The following SVIL variants were observed in gnomAD, a reference collection of about 807,000 sequenced individuals.
SVIL encodes supervillin.
A neutral mutation model predicts 240.4 loss-of-function variants in SVIL; 101 were observed. The ratio of observed to expected loss-of-function variants is 0.42; its 90% confidence interval spans 0.36 to 0.50. The LOEUF is 0.50. SVIL is among the 20% of genes least tolerant of loss of function. The pLI, the probability that SVIL is intolerant of heterozygous loss-of-function variation, is 0.01. For synonymous variants in SVIL, 999 were observed against 1,100.0 expected (o/e 0.91, Z 1.82); for missense variants, 2,512 against 2,818.7 (o/e 0.89, Z 2.46).
chr10:29,477,677 G>T (rs1291535470), intron 29 of SVIL, among the ~76,000 whole-genome samples: 2 of 152,240 alleles, frequency 1.3e-5, no homozygotes, highest in Non-Finnish European at 2.9e-5. Context: ...AGTGCCATCG[G>T]GCTGTGCTTC....
At chr10:29,547,455 T>A (rs968766636) in intron 6 of SVIL, among the ~76,000 whole-genome samples, 1 of 152,180 alleles carries the variant, frequency 6.6e-6, no homozygotes, top group Admixed American at 6.5e-5. Flanking sequence ...CTTTTAAATC[T>A]TTTTCATGAA....
chr10:29,645,350 A>G (rs1958621092), intron 3 of SVIL, among the ~76,000 whole-genome samples: 1 of 152,132 alleles, frequency 6.6e-6, no homozygotes, highest in South Asian at 2.1e-4. Flanking sequence ...CGAGAGGATC[A>G]CTTGAGGTCA....
Position 29,562,838 on chromosome 10 carries a change from G to A in SVIL, c.-51+363C>T, listed in dbSNP as rs572016310. On this transcript the variant is annotated intron_variant, in intron 3 of 37. Transcript: ENST00000355867. ...GGCAGCCTCCAGAGGCAGCAGGAGT[G>A]GGTGGACAGAGAAGAAATGGGGGTA... 8.6e-5 allele frequency among the ~76,000 whole-genome samples: 13 copies of A among 151,792 alleles called. No homozygotes were observed. The South Asian group carries it at 2.7e-3, about 32-fold the overall frequency.
chr10:29,717,245 A>ATC (rs1963680983), intron 1 of SVIL, among the ~76,000 whole-genome samples: 2 of 146,474 alleles, frequency 1.4e-5, no homozygotes, highest in African/African-American at 2.6e-5. Flanking sequence ...AAAAAAAAAA[A>ATC]AAAAAAAAAA....
intron 29 of SVIL, 52 bp downstream of exon 29, chr10:29,480,485 G>A (rs760731947): frequency 1.1e-5 from 17 of 1,595,252 alleles, no homozygotes; most frequent in Non-Finnish European, 1.5e-5. Flanking sequence ...GCTCCCGCAG[G>A]GCTGCCGGGC....
At chr10:29,477,229 C>T (rs1388898280) in intron 29 of SVIL, among the ~76,000 whole-genome samples, 2 of 152,222 alleles carry the variant, frequency 1.3e-5, no homozygotes, top group Non-Finnish European at 2.9e-5. Flanking sequence ...GCCACCAAGG[C>T]ACTTTCAAGA....
intron 1 of SVIL, among the ~76,000 whole-genome samples, chr10:29,727,236 A>G (rs1964342530): frequency 6.6e-6 from 1 of 152,228 alleles, no homozygotes. Flanking sequence ...TTCTATGTCC[A>G]GTAACACCAA....
At chr10:29,717,232 C>CAAAAAAAAAAAAAAAAAA (rs71023503) in intron 1 of SVIL, among the ~76,000 whole-genome samples, 1 of 38,326 alleles carries the variant, frequency 2.6e-5, no homozygotes, top group African/African-American at 9.6e-5. Context: ...GACTCTCTCT[C>CAAAAAAAAAAAAAAAAAA]AAAAAAAAAA....
intron 1 of SVIL, among the ~76,000 whole-genome samples, chr10:29,601,307 A>C (rs1956802524): frequency 6.6e-6 from 1 of 152,236 alleles, no homozygotes; most frequent in Non-Finnish European, 1.5e-5. Context: ...TCCAGAGCTG[A>C]AACTGAAAAT....
At chr10:29,572,069 C>T (rs1469491118) in intron 1 of SVIL, among the ~76,000 whole-genome samples, 1 of 152,158 alleles carries the variant, frequency 6.6e-6, no homozygotes, top group Non-Finnish European at 1.5e-5. Context: ...TAGAGATCTC[C>T]TTCTAAAATG....
intron 2 of SVIL, among the ~76,000 whole-genome samples, chr10:29,676,895 T>C (rs976383613): frequency 2.0e-5 from 3 of 152,180 alleles, no homozygotes; most frequent in Non-Finnish European, 4.4e-5. Context: ...TGTGGAGATT[T>C]AGCCTTGGTA....
chr10:29,641,947 A>G (rs1045708649), intron 3 of SVIL, among the ~76,000 whole-genome samples: 3 of 152,224 alleles, frequency 2.0e-5, no homozygotes, highest in Non-Finnish European at 4.4e-5. Flanking sequence ...GGTACATTCC[A>G]AAGTCCCACT....
intron 2 of SVIL, among the ~76,000 whole-genome samples, chr10:29,674,830 C>T (rs1302288765): frequency 6.6e-6 from 1 of 152,152 alleles, no homozygotes; most frequent in Non-Finnish European, 1.5e-5. Context: ...ACCTGCATTC[C>T]TTGGCTCACG....
At chr10:29,552,050 G>T (rs1410988536) in intron 5 of SVIL, among the ~76,000 whole-genome samples, 2 of 151,750 alleles carry the variant, frequency 1.3e-5, no homozygotes, top group African/African-American at 4.8e-5. Context: ...GGAGTTCAAG[G>T]CTGCAGTAAG....
chr10:29,651,888 C>T (rs1415504059), intron 3 of SVIL, among the ~76,000 whole-genome samples: 1 of 152,050 alleles, frequency 6.6e-6, no homozygotes, highest in East Asian at 1.9e-4. Context: ...CTTTCATCTC[C>T]TTCTGAGAAA....
chr10:29,484,868 A>G lies in SVIL; in HGVS notation c.4780-37T>C. 2 of 1,565,206 alleles carry G rather than the reference A, an allele frequency of 1.3e-6. No individual in the cohort carries two copies. Among genetic ancestry groups the G allele is most frequent in the Non-Finnish European group, 1.7e-6 (2 of 1,153,018 alleles). ...GGCACAAAAGAATTTGTTAACTTCA[A>G]GAACATGCAACAGTTGAATCAGGTG... is the stretch of plus-strand genomic sequence containing the variant. On this transcript the variant is annotated intron_variant, in intron 26 of 37. Coordinates refer to ENST00000355867, the MANE Select transcript of SVIL (RefSeq NM_021738.3). This position sits in a 1 kb window ranked among gnomAD's most constrained non-coding sequence, Gnocchi z 4.7.
chr10:29,482,561 G>A (rs913597382), intron 27 of SVIL, among the ~76,000 whole-genome samples: 4 of 152,144 alleles, frequency 2.6e-5, no homozygotes, highest in East Asian at 1.9e-4. Flanking sequence ...AGATTCTCCC[G>A]TCACTAAAAT....
chr10:29,594,279 A>C (rs529288258), intron 1 of SVIL, among the ~76,000 whole-genome samples: 2,078 of 80,410 alleles, frequency 0.026, 54 homozygotes, highest in African/African-American at 0.098. Context: ...AAAAATTCTA[A>C]GATCTGAAAC....
intron 1 of SVIL, among the ~76,000 whole-genome samples, chr10:29,731,236 C>T (rs1323588256): frequency 2.0e-5 from 3 of 152,206 alleles, no homozygotes; most frequent in Admixed American, 6.5e-5. Flanking sequence ...CTGGGCCCAA[C>T]CCTTATTCAT....
Sources: gnomAD v4.1 joint callset for allele counts (sites outside exome capture counted in the v4.1 genomes callset) on GRCh38, gnomAD v4.1.1 for gene constraint, Gnocchi (gnomAD v3.1) non-coding constraint, MANE v1.5 for transcripts, NCBI Gene and HGNC (gene_info 2026-07-23, HGNC 2026-07-21) for gene names.